RARB: variants seen among roughly 807,000 people sequenced by gnomAD.
The protein encoded by RARB is HBV-activated protein.
RARB carries 17 observed loss-of-function variants against 51.9 expected under a neutral mutation model. The ratio of observed to expected loss-of-function variants is 0.33; its 90% CI spans 0.22 to 0.49. The LOEUF is 0.49. RARB is among the 20% of genes least tolerant of loss of function. The pLI, the probability that RARB is intolerant of heterozygous loss-of-function variation, is 0.99. For missense variants in RARB, 369 were observed against 550.8 expected (o/e 0.67, Z 3.30); for synonymous variants, 215 against 195.4 (o/e 1.10, Z -0.84).
intron 5 of RARB, among the ~76,000 whole-genome samples, chr3:25,380,705 G>T (rs758222987): frequency 2.0e-5 from 3 of 152,176 alleles, no homozygotes; most frequent in Non-Finnish European, 2.9e-5. Context: ...GAAGAATGTT[G>T]ATATAGCTTA....
intron 2 of RARB, among the ~76,000 whole-genome samples, chr3:25,047,708 TCAA>T (rs1163117976): frequency 6.6e-6 from 1 of 152,198 alleles, no homozygotes; most frequent in Non-Finnish European, 1.5e-5. Context: ...ACAGAGAGGC[TCAA>T]CAAATTTGAA....
intron 3 of RARB, among the ~76,000 whole-genome samples, chr3:25,115,880 C>T (rs1320843183): frequency 6.6e-6 from 1 of 152,120 alleles, no homozygotes; most frequent in South Asian, 2.1e-4. Context: ...ATCCTCCTGC[C>T]TCAGCCTCCC....
chr3:25,309,217 G>A (rs567232757), intron 5 of RARB, among the ~76,000 whole-genome samples: 4 of 138,554 alleles, frequency 2.9e-5, no homozygotes, highest in Admixed American at 7.8e-5. Flanking sequence ...CTTGGCTCAC[G>A]GCAAGCTCCA....
intron 2 of RARB, among the ~76,000 whole-genome samples, chr3:24,875,424 T>G (rs1407679720): frequency 2.0e-5 from 3 of 152,176 alleles, no homozygotes; most frequent in African/African-American, 7.2e-5. Flanking sequence ...GGCAAGTTCC[T>G]TATGTACTTT....
chr3:24,975,817 C>T lies in RARB; in HGVS notation c.-379-84308C>T, dbSNP rs987678679. 9.2e-5 allele frequency among the ~76,000 whole-genome samples: 14 copies of T among 152,092 alleles called. No homozygotes were observed. The East Asian group carries it at 9.7e-4, about 10-fold the overall frequency. ...TAAGTTCTAGGGTACACGTGCACAA[C>T]GTGCAGGTTTGTTACATAGGTATAT... On this transcript the variant is annotated intron_variant, in intron 2 of 11. Coordinates refer to the RARB transcript ENST00000383772.
rs746988151 is a variant in RARB at position 25,357,310 on chromosome 3, C to T, written c.179-103883C>T. Among the ~76,000 whole-genome samples the T allele has an allele frequency of 1.8e-3, 275 of 152,294 alleles. 2 individuals carry two copies. Among genetic ancestry groups the T allele is most frequent in the Non-Finnish European group, 1.8e-3 (121 of 68,024 alleles). Reference sequence around the variant, plus strand: ...ATATGTTTGTTGGCTGCATAAATGTCTTCTTTTCAAAAGTATCTGCTCATA... The same window carrying T: ...ATATGTTTGTTGGCTGCATAAATGTTTTCTTTTCAAAAGTATCTGCTCATA... On this transcript the variant is annotated intron_variant, in intron 5 of 11. Coordinates refer to the RARB transcript ENST00000383772.
chr3:25,249,133 T>A (rs1317247449), intron 5 of RARB, among the ~76,000 whole-genome samples: 1 of 152,062 alleles, frequency 6.6e-6, no homozygotes, highest in Non-Finnish European at 1.5e-5. Flanking sequence ...TCTTTTTTAT[T>A]CTTTTTTAAA....
chr3:24,979,088 C>A (rs1000310360), intron 2 of RARB, among the ~76,000 whole-genome samples: 10 of 152,154 alleles, frequency 6.6e-5, no homozygotes, highest in Admixed American at 2.0e-4. Context: ...ATCCTGAGTT[C>A]TAATTTGATT....
At chr3:24,832,302 T>C (rs1388212026) in intron 1 of RARB, among the ~76,000 whole-genome samples, 1 of 152,070 alleles carries the variant, frequency 6.6e-6, no homozygotes, top group East Asian at 1.9e-4. Context: ...CATACAAATA[T>C]GCTGATCTCA....
chr3:25,272,877 C>A (rs1464210877), intron 5 of RARB, among the ~76,000 whole-genome samples: 1 of 152,240 alleles, frequency 6.6e-6, no homozygotes, highest in Non-Finnish European at 1.5e-5. Context: ...GCCTCAGTAT[C>A]TTCCCCTGTT....
intron 2 of RARB, chr3:25,020,245 T>G (rs1329872212): frequency 1.3e-5 from 2 of 151,940 alleles, no homozygotes; most frequent in African/African-American, 4.8e-5. Context: ...GATCAGCACA[T>G]GAGTTTTGAC....
At chr3:25,303,977 A>C (rs1704099256) in intron 5 of RARB, among the ~76,000 whole-genome samples, 2 of 152,202 alleles carry the variant, frequency 1.3e-5, no homozygotes, top group South Asian at 4.1e-4. Flanking sequence ...ATGAAAAAGA[A>C]CACTGAACGG....
intron 1 of RARB, among the ~76,000 whole-genome samples, chr3:25,454,707 G>A (rs570310507): frequency 2.6e-5 from 4 of 151,956 alleles, no homozygotes; most frequent in Non-Finnish European, 4.4e-5. Flanking sequence ...AGTATACTGA[G>A]CTCTCTTAAA....
chr3:25,471,913 C>T (rs753821726), intron 2 of RARB, among the ~76,000 whole-genome samples: 3 of 152,130 alleles, frequency 2.0e-5, no homozygotes, highest in Non-Finnish European at 4.4e-5. Context: ...TCTGGAAAGG[C>T]TTTCCTTCTT....
chr3:25,203,845 C>T (rs535290940), intron 5 of RARB, among the ~76,000 whole-genome samples: 1 of 152,326 alleles, frequency 6.6e-6, no homozygotes, highest in African/African-American at 2.4e-5. Flanking sequence ...CCTGACCTTT[C>T]TCTCTGTCTG....
chr3:24,990,062 G>C (rs1696877879), intron 2 of RARB, among the ~76,000 whole-genome samples: 1 of 100,790 alleles, frequency 9.9e-6, no homozygotes, highest in South Asian at 3.7e-4. Context: ...GCCTCCCAAA[G>C]TCCTGGGATT....
chr3:24,987,588 C>T lies in RARB; in HGVS notation c.-379-72537C>T, dbSNP rs116791086. Among the ~76,000 whole-genome samples, 1,147 of 152,286 alleles carry T rather than the reference C, an allele frequency of 7.5e-3. 15 individuals carry two copies. The highest frequency in any genetic ancestry group is 0.026 in the African/African-American group (1,093 of 41,546). On this transcript the variant is annotated intron_variant, in intron 2 of 11. Coordinates refer to the RARB transcript ENST00000383772. ...ATATTCCATTTTTTAAGACAAGAGA[C>T]TTATATCCCTCCTGAGGGACTGTTC...
chr3:25,337,300 G>A (rs1014351508), intron 5 of RARB, among the ~76,000 whole-genome samples: 2 of 152,036 alleles, frequency 1.3e-5, no homozygotes, highest in South Asian at 2.1e-4. Context: ...AAAAAGTATT[G>A]TATGTATAAA....
chr3:25,335,430 A>C (rs1354546985), intron 5 of RARB, among the ~76,000 whole-genome samples: 1 of 152,214 alleles, frequency 6.6e-6, no homozygotes, highest in African/African-American at 2.4e-5. Flanking sequence ...TGCAGAAGCA[A>C]TCCACTGTGT....
Sources: gnomAD v4.1 joint callset for allele counts (sites outside exome capture counted in the v4.1 genomes callset) on GRCh38, gnomAD v4.1.1 for gene constraint, MANE v1.5 for transcripts, NCBI Gene and HGNC (gene_info 2026-07-23, HGNC 2026-07-21) for gene names.